GPR179: variants seen among roughly 807,000 people sequenced by gnomAD.
The protein encoded by GPR179 is probable G protein-coupled receptor 179.
Under a neutral mutation model 70.8 loss-of-function variants are expected in GPR179, and 52 were observed. The observed-to-expected ratio is 0.73, with a 90% confidence interval of 0.59 to 0.93. The LOEUF (loss-of-function observed/expected upper bound fraction) is 0.93. Among genes scored for constraint, GPR179 ranks in the 40% least tolerant of loss-of-function variants. The pLI, the probability that GPR179 is intolerant of heterozygous loss-of-function variation, is 0.00. For missense variants in GPR179, 2,734 were observed against 2,966.8 expected (o/e 0.92, Z 1.82); for synonymous variants, 1,123 against 1,169.0 (o/e 0.96, Z 0.80).
At chr17:38,333,175 G>T in intron 10 of GPR179, 76 bp downstream of exon 10, 1 of 1,379,560 alleles carries the variant, frequency 7.2e-7, no homozygotes, top group South Asian at 1.3e-5. Flanking sequence ...CATAGCCCAG[G>T]TGGCAGGGCC....
At position 38,331,421 on chromosome 17, in the gene GPR179, G is replaced by A. The variant is rs750775442; in HGVS notation, c.2148C>T (p.Gly716=). 1 of 1,614,174 alleles carries A rather than the reference G, an allele frequency of 6.2e-7. No individual in the cohort carries two copies. Among genetic ancestry groups the A allele is most frequent in the Non-Finnish European group, 8.5e-7 (1 of 1,180,006 alleles). ...KKRGSSCQGL[G]RSFMRYLAEF... ...CCGCCAGGTACCTCATGAAGGAGCGGCCCAGTCCCTGGCATGAGCTGCCTC... is the reference window on the plus strand; with the variant it reads ...CCGCCAGGTACCTCATGAAGGAGCGACCCAGTCCCTGGCATGAGCTGCCTC... The change falls in exon 11 of 11, where the codon GGC becomes GGT. Residue 716 remains glycine (G), a synonymous_variant. Transcript: ENST00000616987.
In GPR179 at chr17:38,343,483, C is replaced by T. The variant is rs945902642; in HGVS notation, c.307G>A (p.Ala103Thr). Reference protein sequence around the residue: ...PSLQGAAGTLAQAANFLNMLL... With the variant: ...PSLQGAAGTLTQAANFLNMLL... Reference sequence around the variant, plus strand: ...ATGTTGAGAAAATTGGCGGCCTGGGCAAGGGTGCCCGCTGCCCCCTGTAGG... The same window carrying T: ...ATGTTGAGAAAATTGGCGGCCTGGGTAAGGGTGCCCGCTGCCCCCTGTAGG... The change falls in exon 1 of 11, where the codon GCC (alanine) becomes ACC (threonine). Residue 103 changes from alanine to threonine, a missense_variant. Transcript: ENST00000616987. This position sits in a 1 kb window ranked among gnomAD's most constrained non-coding sequence, Gnocchi z 4.2. 52 of 1,613,940 alleles carry T rather than the reference C, an allele frequency of 3.2e-5. No homozygotes were observed. Among genetic ancestry groups the T allele is most frequent in the Non-Finnish European group, 4.4e-5 (52 of 1,180,038 alleles).
chr17:38,336,229 G>T, intron 4 of GPR179, 85 bp from the exon 5 acceptor site: 1 of 915,730 alleles, frequency 1.1e-6, no homozygotes, highest in South Asian at 1.3e-5. Flanking sequence ...GTCACTCAGT[G>T]ACCCTGAGCT....
In GPR179 at chr17:38,329,469, C is replaced by T. The variant is rs2037328338; in HGVS notation, c.4100G>A (p.Gly1367Asp). 1.9e-6 allele frequency: 3 copies of T among 1,614,100 alleles called. No homozygotes were observed. Among genetic ancestry groups the T allele is most frequent in the Non-Finnish European group, 2.5e-6 (3 of 1,180,022 alleles). Residue 1367 changes from glycine to aspartate, a missense_variant, in exon 11 of 11, where the codon GGC becomes GAC. Transcript: ENST00000616987. ...KVEKPGWEAA[G>D]PEAHTPDITK... Reference sequence around the variant, plus strand: ...GATGTCAGGGGTATGAGCTTCTGGGCCAGCAGCTTCCCACCCAGGCTTCTC... The same window carrying T: ...GATGTCAGGGGTATGAGCTTCTGGGTCAGCAGCTTCCCACCCAGGCTTCTC...
At chr17:38,337,399 G>A (rs551167107) in intron 3 of GPR179, among the ~76,000 whole-genome samples, 186 bp from the exon 4 acceptor site, 11 of 152,098 alleles carry the variant, frequency 7.2e-5, no homozygotes, top group Non-Finnish European at 1.6e-4. Context: ...CCAGGCTAGG[G>A]CTCCTTGAGA....
intron 10 of GPR179, 97 bp from the exon 11 acceptor site, chr17:38,331,628 G>C: frequency 6.7e-7 from 1 of 1,501,182 alleles, no homozygotes; most frequent in Non-Finnish European, 8.9e-7. Flanking sequence ...TTTTCCCTTA[G>C]GGATCTCTTT....
At chr17:38,332,580 C>T (rs1366402339) in intron 10 of GPR179, among the ~76,000 whole-genome samples, 2 of 152,200 alleles carry the variant, frequency 1.3e-5, no homozygotes, top group East Asian at 3.9e-4. Flanking sequence ...GCCCTAGGCA[C>T]CAACCATCCT....
chr17:38,337,688 A>G lies in GPR179; in HGVS notation c.936T>C (p.Leu312=). 1 of 1,613,858 alleles carries G rather than the reference A, an allele frequency of 6.2e-7. No individual in the cohort carries two copies. The highest frequency in any genetic ancestry group is 1.1e-5 in the South Asian group (1 of 91,042). ...CVPLESQGFV[L]GRYLCRCRPG... ...GTCGGCAGCGGCAGAGGTAGCGGCC[A>G]AGAACAAAGCCCTGACTCTCCAGGG... is the stretch of plus-strand genomic sequence containing the variant. Residue 312 remains leucine (L), a synonymous_variant, in exon 3 of 11, where the codon CTT becomes CTC. Transcript: ENST00000616987.
chr17:38,331,258 A>G lies in GPR179; in HGVS notation c.2311T>C (p.Ser771Pro), dbSNP rs1242975487. The G allele has an allele frequency of 1.3e-6, 2 of 1,588,732 alleles. No individual in the cohort carries two copies. The highest frequency in any genetic ancestry group is 1.7e-6 in the Non-Finnish European group (2 of 1,168,648). The change falls in exon 11 of 11, where the codon TCC becomes CCC. Residue 771 changes from serine to proline, a missense_variant. By Grantham distance (74) the Ser-to-Pro change is moderately conservative. Transcript: ENST00000616987. ...EPEGTPALHK[S>P]RSTYDQRREQ... ...CTGCGCTGGTCATAGGTGCTGCGGG[A>G]CTTGTGCAGAGCTGGTGTCCCCTCG...
chr17:38,330,230 C>A lies in GPR179; in HGVS notation c.3339G>T (p.Gly1113=). 6.3e-7 allele frequency: 1 copy of A among 1,575,434 alleles called. No homozygotes were observed. Among genetic ancestry groups the A allele is most frequent in the South Asian group, 1.2e-5 (1 of 85,640 alleles). The change falls in exon 11 of 11, where the codon GGG becomes GGT. Residue 1113 remains glycine, a synonymous_variant. Transcript: ENST00000616987. The part of the protein sequence containing the change: ...EKESVEESPE[G]QNSGTAGESM... ...TCTCTCCCGCAGTCCCGCTGTTCTGCCCCTCGGGACTCTCCTCCACACTCT... is the reference window on the plus strand; with the variant it reads ...TCTCTCCCGCAGTCCCGCTGTTCTGACCCTCGGGACTCTCCTCCACACTCT...
chr17:38,337,406 G>C (rs2037414919), intron 3 of GPR179, among the ~76,000 whole-genome samples, 193 bp from the exon 4 acceptor site: 1 of 152,096 alleles, frequency 6.6e-6, no homozygotes, highest in African/African-American at 2.4e-5. Flanking sequence ...AGGGCTCCTT[G>C]AGAGGCCAAC....
Position 38,324,645 on chromosome 17 carries a change from G to T in GPR179, c.*1820C>A, listed in dbSNP as rs2037268351. ...TTATTTCACAAGAGTGTGTTTGGCG[G>T]CAACTTTGCTGTTTCCAGCTAGACC... is the stretch of plus-strand genomic sequence containing the variant. On this transcript the variant is annotated 3_prime_UTR_variant, in exon 11 of 11. Coordinates refer to ENST00000616987, the MANE Select transcript of GPR179 (RefSeq NM_001004334.4). Among the ~76,000 whole-genome samples, 1 of 148,242 alleles carries T rather than the reference G, an allele frequency of 6.7e-6. No homozygotes were observed. Among genetic ancestry groups the T allele is most frequent in the Non-Finnish European group, 1.5e-5 (1 of 67,390 alleles).
In GPR179 at chr17:38,329,756, T is replaced by G. The variant is rs1306505259; in HGVS notation, c.3813A>C (p.Glu1271Asp). 6.2e-7 allele frequency: 1 copy of G among 1,614,198 alleles called. No homozygotes were observed. Among genetic ancestry groups the G allele is most frequent in the South Asian group, 1.1e-5 (1 of 91,086 alleles). The change falls in exon 11 of 11, where the codon GAA becomes GAC. Residue 1271 changes from glutamate (E) to aspartate (D), a missense_variant. Glu to Asp is a conservative substitution (Grantham distance 45). Transcript: ENST00000616987. ...TTAGTGCCCTCGACTCTGGGGCTCC[T>G]TCACTCGTCTCCCAGGGGCAGATTT... ...KAEICPWETS[E>D]GAPESRALRQ...
chr17:38,337,765 CTGGAAGAGCTT>C, intron 2 of GPR179, 45 bp from the exon 3 acceptor site: 1 of 1,536,542 alleles, frequency 6.5e-7, no homozygotes. Context: ...GGGGCTTTCT[CTGGAAGAGCTT>C]TCCCTCCTGG....
chr17:38,335,747 G>A (rs773929666), intron 5 of GPR179, 47 bp from the exon 6 acceptor site: 1 of 1,275,330 alleles, frequency 7.8e-7, no homozygotes, highest in Non-Finnish European at 1.1e-6. Context: ...TGCTTCTGCT[G>A]TGGGCCAGGC....
chr17:38,335,977 C>T, intron 5 of GPR179, 99 bp downstream of exon 5: 2 of 887,668 alleles, frequency 2.3e-6, no homozygotes, highest in African/African-American at 1.6e-5. Context: ...CTCTGAATCC[C>T]TTCCAGAGGG....
In GPR179 at chr17:38,330,547, G is replaced by T. The variant is rs2037344539; in HGVS notation, c.3022C>A (p.Pro1008Thr). ...AELPAKQENV[P>T]QEGPSGPERG... ...TCTGGCCCTGAGGGGCCTTCCTGGG[G>T]CACATTTTCTTGCTTGGCTGGCAGT... The change falls in exon 11 of 11, where the codon CCC becomes ACC. Residue 1008 changes from proline (P) to threonine (T), a missense_variant. Physicochemically the swap from Pro to Thr is conservative, Grantham distance 38 (BLOSUM62 -1). Coordinates refer to ENST00000616987, the MANE Select transcript of GPR179 (RefSeq NM_001004334.4). 1.3e-6 allele frequency: 2 copies of T among 1,569,708 alleles called. No homozygotes were observed. Among genetic ancestry groups the T allele is most frequent in the East Asian group, 2.2e-5 (1 of 44,586 alleles).
Position 38,327,182 on chromosome 17 carries a change from C to A in GPR179, c.6387G>T (p.Glu2129Asp), listed in dbSNP as rs769326900. 2.1e-5 allele frequency: 34 copies of A among 1,614,256 alleles called. No homozygotes were observed. In the South Asian group the frequency reaches 3.1e-4, roughly 15 times the overall value. The change falls in exon 11 of 11, where the codon GAG becomes GAT. Residue 2129 changes from glutamate (E) to aspartate (D), a missense_variant. By Grantham distance (45) the Glu-to-Asp change is conservative. Transcript: ENST00000616987. ...CTCCACCCGCCTCCCAAGGGCAGAT[C>A]TCTGCTTTCTTGGCAGAGGGAGCCT... ...VVEAPSAKKA[E>D]ICPWEAGGGA...
rs377272094 is a variant in GPR179, at chr17:38,337,636, C to T, written c.988G>A (p.Gly330Arg). 4 of 1,608,566 alleles carry T rather than the reference C, an allele frequency of 2.5e-6. No individual in the cohort carries two copies. Among genetic ancestry groups the T allele is most frequent in the Non-Finnish European group, 3.4e-6 (4 of 1,177,630 alleles). The change falls in exon 3 of 11, where the codon GGG (glycine) becomes AGG (arginine). Residue 330 changes from glycine to arginine, a missense_variant. Coordinates refer to ENST00000616987, the MANE Select transcript of GPR179 (RefSeq NM_001004334.4). ...GGCCCCCACCACACTTACATACCCC[C>T]AGAGGGGCTTGCCCCGTAGAATCCA... ...RPGFYGASPS[G>R]GLEESDFQTT...
Sources: allele counts gnomAD v4.1 joint callset (sites outside exome capture counted in the v4.1 genomes callset), GRCh38; gene constraint gnomAD v4.1.1; non-coding constraint Gnocchi (gnomAD v3.1); transcripts MANE v1.5; gene names NCBI Gene and HGNC (gene_info 2026-07-23, HGNC 2026-07-21).